The following SNX1 variants were observed in gnomAD, a reference collection of about 807,000 sequenced individuals.
SNX1 encodes sorting nexin 1.
In SNX1, 36 loss-of-function variants were observed where a neutral mutation model predicts 71.8. The observed-to-expected ratio is 0.50, with a 90% CI of 0.38 to 0.66. The LOEUF (loss-of-function observed/expected upper bound fraction) is 0.66, where lower values mean the gene tolerates loss of function less well. Among genes scored for constraint, SNX1 ranks in the 30% least tolerant of loss-of-function variants. SNX1 has a pLI of 0.00. For missense variants in SNX1, 612 were observed against 646.7 expected, an observed-to-expected ratio of 0.95 and a Z score of 0.58; for synonymous variants, 254 against 240.7, an observed-to-expected ratio of 1.06 and a Z score of -0.51.
intron 5 of SNX1, among the ~76,000 whole-genome samples, chr15:64,125,761 A>G (rs759125964): frequency 5.7e-4 from 86 of 152,184 alleles, no homozygotes; most frequent in Non-Finnish European, 1.0e-3. Flanking sequence ...TGGGAATGAA[A>G]CTGTATTTGA....
At chr15:64,124,144 T>TTATATA (rs1189602121) in intron 5 of SNX1, among the ~76,000 whole-genome samples, 1 of 60,976 alleles carries the variant, frequency 1.6e-5, no homozygotes, top group African/African-American at 2.2e-4. Context: ...TAAGAAATCT[T>TTATATA]TACATATATA....
chr15:64,104,702 T>C (rs1454862312), intron 1 of SNX1, among the ~76,000 whole-genome samples: 1 of 151,244 alleles, frequency 6.6e-6, no homozygotes, highest in African/African-American at 2.4e-5. Flanking sequence ...CTGGCCAACA[T>C]AGTGAAACCC....
chr15:64,111,865 G>A (rs1193432853), intron 1 of SNX1, among the ~76,000 whole-genome samples: 1 of 152,150 alleles, frequency 6.6e-6, no homozygotes. Flanking sequence ...TGTTCACTCT[G>A]GTACCGGTCT....
intron 1 of SNX1, among the ~76,000 whole-genome samples, chr15:64,097,301 G>GT (rs1195230557): frequency 6.6e-6 from 1 of 152,218 alleles, no homozygotes; most frequent in East Asian, 1.9e-4. Flanking sequence ...GGGCAGATGG[G>GT]TTTTTTCCTT....
chr15:64,118,881 A>G (rs1239239866), intron 4 of SNX1, 27 bp downstream of exon 4: 1 of 1,565,642 alleles, frequency 6.4e-7, no homozygotes, highest in African/African-American at 1.4e-5. Flanking sequence ...ACTCCTTGTG[A>G]TGTTAGGATG....
intron 4 of SNX1, among the ~76,000 whole-genome samples, chr15:64,122,086 G>A (rs2081202074): frequency 6.6e-6 from 1 of 152,090 alleles, no homozygotes; most frequent in South Asian, 2.1e-4. Flanking sequence ...CATTGCCTAA[G>A]TAAAAGCAGC....
chr15:64,112,827 T>C, intron 2 of SNX1, 143 bp downstream of exon 2: 2 of 543,326 alleles, frequency 3.7e-6, no homozygotes, highest in Admixed American at 6.8e-5. Context: ...CCAAAGTACA[T>C]GAAATACAGG....
intron 1 of SNX1, among the ~76,000 whole-genome samples, chr15:64,102,516 TCTC>T (rs1387464809): frequency 1.3e-5 from 2 of 152,134 alleles, no homozygotes; most frequent in East Asian, 1.9e-4. Flanking sequence ...TTAACCAACT[TCTC>T]CTCATCCTGC....
Position 64,103,959 on chromosome 15 carries a change from G to T in SNX1, c.159+7787G>T, listed in dbSNP as rs542055188. Among the ~76,000 whole-genome samples the T allele has an allele frequency of 1.1e-3, 161 of 152,180 alleles. 1 individual carries two copies. The highest frequency in any genetic ancestry group is 5.9e-4 in the Non-Finnish European group (40 of 68,010). ...TTCTAGTGTGTAGTGTTTTCTACAGGGATATTGCCTCAAACACTTGTTTTT... is the reference window on the plus strand; with the variant it reads ...TTCTAGTGTGTAGTGTTTTCTACAGTGATATTGCCTCAAACACTTGTTTTT... On this transcript the variant is annotated intron_variant, in intron 1 of 14. Transcript: ENST00000559844.
rs770915101 is a variant in SNX1 at position 64,134,894 on chromosome 15, C to T, written c.1365+87C>T. ...CATCCCACCCAGAGGTTTGGAACCCCACAGGGGGAAGAGCGCTGATTGAGT... is the reference window on the plus strand; with the variant it reads ...CATCCCACCCAGAGGTTTGGAACCCTACAGGGGGAAGAGCGCTGATTGAGT... On this transcript the variant is annotated intron_variant, in intron 12 of 14. Coordinates refer to ENST00000559844, the MANE Select transcript of SNX1 (RefSeq NM_003099.5). The surrounding 1 kb of genome is among the most constrained non-coding windows in gnomAD (Gnocchi z 4.1). 1 of 1,529,662 alleles carries T rather than the reference C, an allele frequency of 6.5e-7. No individual in the cohort carries two copies. Among genetic ancestry groups the T allele is most frequent in the Non-Finnish European group, 8.9e-7 (1 of 1,129,630 alleles). 94.8% of individuals were successfully genotyped at this position (1,529,662 alleles called of 1,614,324 possible).
At chr15:64,102,142 CTATTGAATTTTAT>C (rs2080968835) in intron 1 of SNX1, among the ~76,000 whole-genome samples, 2 of 152,018 alleles carry the variant, frequency 1.3e-5, no homozygotes, top group African/African-American at 4.8e-5. Context: ...TTTAAAATAT[CTATTGAATTTTAT>C]TATTTTTTGA....
chr15:64,113,601 C>G (rs943269272), intron 2 of SNX1, among the ~76,000 whole-genome samples: 1 of 152,172 alleles, frequency 6.6e-6, no homozygotes, highest in African/African-American at 2.4e-5. Flanking sequence ...GGGTGGATCA[C>G]TTGAGGTCAG....
At chr15:64,115,157 A>G (rs998378199) in intron 2 of SNX1, among the ~76,000 whole-genome samples, 5 of 152,178 alleles carry the variant, frequency 3.3e-5, no homozygotes, top group African/African-American at 7.2e-5. Context: ...TTACCCAGTG[A>G]TTGGGTTTTA....
chr15:64,129,874 G>T lies in SNX1; in HGVS notation c.808-42G>T. On this transcript the variant is annotated intron_variant, in intron 8 of 14. Coordinates refer to ENST00000559844, the MANE Select transcript of SNX1 (RefSeq NM_003099.5). The surrounding 1 kb of genome is among the most constrained non-coding windows in gnomAD (Gnocchi z 4.4). ...CTAATTCTTCTGAACCTAAAATAGG[G>T]GCAGCAGATAACTTGCCATCCCTGC... is the stretch of plus-strand genomic sequence containing the variant. 1 of 1,381,960 alleles carries T rather than the reference G, an allele frequency of 7.2e-7. No individual in the cohort carries two copies. The highest frequency in any genetic ancestry group is 2.0e-4 in the Middle Eastern group (1 of 4,944). 85.6% of individuals were successfully genotyped at this position (1,381,960 alleles called of 1,614,324 possible). A position where few individuals can be genotyped will look rare whatever the true frequency, so the allele number is the denominator to read the frequency against.
intron 2 of SNX1, among the ~76,000 whole-genome samples, chr15:64,113,561 C>T (rs555762124): frequency 2.0e-5 from 3 of 152,094 alleles, no homozygotes; most frequent in African/African-American, 4.8e-5. Context: ...GGCTCACACC[C>T]GTAATCCCAG....
chr15:64,135,674 G>T (rs1378058533), intron 12 of SNX1, among the ~76,000 whole-genome samples: 1 of 149,208 alleles, frequency 6.7e-6, no homozygotes, highest in African/African-American at 2.5e-5. Context: ...CAGGAGAATC[G>T]CTTGAACCTG....
intron 1 of SNX1, among the ~76,000 whole-genome samples, chr15:64,112,076 C>T (rs993094379): frequency 3.9e-5 from 6 of 152,198 alleles, no homozygotes; most frequent in Admixed American, 1.3e-4. Flanking sequence ...AGCATTAGAA[C>T]GTAGTGTTAT....
chr15:64,127,011 C>T (rs2140153750), intron 6 of SNX1, among the ~76,000 whole-genome samples, 163 bp from the exon 7 acceptor site: 1 of 152,098 alleles, frequency 6.6e-6, no homozygotes, highest in South Asian at 2.1e-4. Flanking sequence ...AAAAGTGGCT[C>T]TCATGTAAAG....
At chr15:64,125,498 A>G (rs184348963) in intron 5 of SNX1, among the ~76,000 whole-genome samples, 1 of 145,754 alleles carries the variant, frequency 6.9e-6, no homozygotes, top group Admixed American at 6.8e-5. Context: ...GTGAAGAATG[A>G]GCTGGGCATG....
Sources: gnomAD v4.1 joint callset for allele counts (sites outside exome capture counted in the v4.1 genomes callset) on GRCh38, gnomAD v4.1.1 for gene constraint, Gnocchi (gnomAD v3.1) non-coding constraint, MANE v1.5 for transcripts, NCBI Gene and HGNC (gene_info 2026-07-23, HGNC 2026-07-21) for gene names.